Variants in PDE4D observed in about 807,000 individuals in gnomAD.
PDE4D encodes phosphodiesterase 4D.
A neutral mutation model predicts 87.4 loss-of-function variants in PDE4D; 24 were observed. The observed-to-expected ratio is 0.27, with a 90% CI of 0.20 to 0.39. The LOEUF (loss-of-function observed/expected upper bound fraction) is 0.39, where lower values mean the gene tolerates loss of function less well. Among genes scored for constraint, PDE4D ranks in the 10% least tolerant of loss-of-function variants. The pLI, the probability that PDE4D is intolerant of heterozygous loss-of-function variation, is 1.00. For synonymous variants in PDE4D, 384 were observed against 383.2 expected, an observed-to-expected ratio of 1.00 and a Z score of -0.02; for missense variants, 714 against 1,041.0, an observed-to-expected ratio of 0.69 and a Z score of 4.32.
At chr5:60,145,648 A>T (rs1780925348) in intron 2 of PDE4D, among the ~76,000 whole-genome samples, 1 of 152,220 alleles carries the variant, frequency 6.6e-6, no homozygotes, top group African/African-American at 2.4e-5. Context: ...CAAAGTACCT[A>T]GCAGAGAGCC....
At chr5:59,201,408 A>G (rs1747342619) in intron 2 of PDE4D, among the ~76,000 whole-genome samples, 1 of 152,118 alleles carries the variant, frequency 6.6e-6, no homozygotes, top group Non-Finnish European at 1.5e-5. Flanking sequence ...TTTTTTCCAT[A>G]TAGCGTTTAA....
At chr5:60,026,462 T>C (rs982133272) in intron 2 of PDE4D, among the ~76,000 whole-genome samples, 1 of 152,198 alleles carries the variant, frequency 6.6e-6, no homozygotes, top group Non-Finnish European at 1.5e-5. Flanking sequence ...TGCTCACATG[T>C]ACTTAATTAA....
chr5:60,422,656 C>A (rs1743236261), intron 1 of PDE4D, among the ~76,000 whole-genome samples: 6 of 152,094 alleles, frequency 3.9e-5, no homozygotes, highest in Admixed American at 3.9e-4. Context: ...AAATAACCAG[C>A]TAACATCATA....
At chr5:59,228,956 A>T (rs1374488119) in intron 1 of PDE4D, among the ~76,000 whole-genome samples, 3 of 151,008 alleles carry the variant, frequency 2.0e-5, no homozygotes, top group African/African-American at 7.3e-5. Flanking sequence ...AGATATTCCC[A>T]TACTGGCCTA....
At chr5:58,987,888 T>C (rs948643148) in intron 11 of PDE4D, among the ~76,000 whole-genome samples, 2 of 152,184 alleles carry the variant, frequency 1.3e-5, no homozygotes, top group Non-Finnish European at 2.9e-5. Flanking sequence ...CTACACAGGC[T>C]TTCTGTGCGG....
chr5:60,137,995 C>A (rs996081030), intron 2 of PDE4D, among the ~76,000 whole-genome samples: 4 of 152,022 alleles, frequency 2.6e-5, no homozygotes, highest in Admixed American at 1.3e-4. Context: ...TTTCAGTTTT[C>A]TGCATATGGC....
intron 1 of PDE4D, among the ~76,000 whole-genome samples, chr5:59,867,209 G>GAGA (rs374543703): frequency 1.3e-5 from 2 of 152,172 alleles, no homozygotes; most frequent in South Asian, 4.2e-4. Context: ...CTTGATCCCA[G>GAGA]AGAAGAAGAT....
intron 1 of PDE4D, among the ~76,000 whole-genome samples, chr5:59,409,574 C>T (rs1792305772): frequency 1.3e-5 from 2 of 152,012 alleles, no homozygotes; most frequent in Admixed American, 1.3e-4. Context: ...GTGCTAACTC[C>T]CACAACCCCC....
chr5:59,301,987 G>C (rs939040305), intron 1 of PDE4D, among the ~76,000 whole-genome samples: 2 of 152,242 alleles, frequency 1.3e-5, no homozygotes, highest in South Asian at 4.2e-4. Flanking sequence ...GGGCAAAATG[G>C]CGGAGTTTGG....
At chr5:59,189,243 T>G (rs369197407) in intron 3 of PDE4D, among the ~76,000 whole-genome samples, 19,495 of 59,444 alleles carry the variant, frequency 0.33, 2,035 homozygotes, top group Non-Finnish European at 0.4. Context: ...TTTTTTTTTT[T>G]GTTTTTTTTG....
rs75732815 is a variant in PDE4D, at chr5:59,329,377, T to G, written c.456-113409A>C. On this transcript the variant is annotated intron_variant, in intron 1 of 14. Coordinates refer to ENST00000340635, the MANE Select transcript of PDE4D (RefSeq NM_001104631.2). ...GGAAACCCCCAACTAGCAAAAAGCA[T>G]AAACATATACCTTTTTATTGAAGCC... 1.1e-3 allele frequency among the ~76,000 whole-genome samples: 171 copies of G among 152,282 alleles called. 1 individual carries two copies. The highest frequency in any genetic ancestry group is 3.9e-3 in the African/African-American group (163 of 41,574).
rs1331943691 is a variant in PDE4D, at chr5:58,971,014, G to A, written c.*3650C>T. Reference sequence around the variant, plus strand: ...ATGCAGTGCTGCTCCCTGGCAAGAAGTACTTAAGAGCTTCTGTCTCAAAAG... The same window carrying A: ...ATGCAGTGCTGCTCCCTGGCAAGAAATACTTAAGAGCTTCTGTCTCAAAAG... On this transcript the variant is annotated 3_prime_UTR_variant, in exon 15 of 15. Transcript: ENST00000340635. 1.3e-5 allele frequency: 2 copies of A among 152,022 alleles called. No homozygotes were observed. The highest frequency in any genetic ancestry group is 2.9e-5 in the Non-Finnish European group (2 of 68,016). The allele number at this position is 152,022 out of a possible 1,614,324, so 9.4% of individuals were successfully genotyped here.
chr5:59,697,363 A>G (rs1485267950), intron 1 of PDE4D, among the ~76,000 whole-genome samples: 2 of 152,220 alleles, frequency 1.3e-5, no homozygotes, highest in African/African-American at 2.4e-5. Flanking sequence ...AGAGGGCCAA[A>G]GGGGCTTAAT....
chr5:59,984,784 C>T (rs1369285), intron 3 of PDE4D, among the ~76,000 whole-genome samples: 95,671 of 151,892 alleles, frequency 0.63, 32,597 homozygotes, highest in East Asian at 0.83. Flanking sequence ...AGTCTCTAGA[C>T]CCACTGCCTG....
chr5:60,424,683 G>A (rs987537418), intron 1 of PDE4D, among the ~76,000 whole-genome samples: 1 of 152,090 alleles, frequency 6.6e-6, no homozygotes, highest in African/African-American at 2.4e-5. Flanking sequence ...TTCTGGCTGG[G>A]GCAATCAGGC....
chr5:59,148,025 C>A (rs2153458492), intron 5 of PDE4D, among the ~76,000 whole-genome samples: 1 of 152,250 alleles, frequency 6.6e-6, no homozygotes, highest in South Asian at 2.1e-4. Flanking sequence ...TAGCCACTTC[C>A]ATCATTTATA....
At chr5:60,125,275 G>A (rs1428614054) in intron 2 of PDE4D, among the ~76,000 whole-genome samples, 2 of 152,068 alleles carry the variant, frequency 1.3e-5, no homozygotes, top group Admixed American at 1.3e-4. Context: ...TCTCAGACCA[G>A]AATTTATATA....
intron 3 of PDE4D, among the ~76,000 whole-genome samples, chr5:59,958,352 T>C (rs777076585): frequency 6.6e-6 from 1 of 152,142 alleles, no homozygotes; most frequent in Non-Finnish European, 1.5e-5. Flanking sequence ...GGCAAGAGTG[T>C]TTCTTCCAAA....
chr5:60,260,698 T>A (rs567636432), intron 1 of PDE4D, among the ~76,000 whole-genome samples: 2 of 152,232 alleles, frequency 1.3e-5, no homozygotes, highest in South Asian at 4.1e-4. Context: ...GCGCTGTTTA[T>A]ATAAAGTTGA....
Sources: allele counts gnomAD v4.1 joint callset (sites outside exome capture counted in the v4.1 genomes callset), GRCh38; gene constraint gnomAD v4.1.1; transcripts MANE v1.5; gene names NCBI Gene and HGNC (gene_info 2026-07-23, HGNC 2026-07-21).